Variants in ALK observed in about 807,000 individuals in gnomAD.
The protein encoded by ALK is ALK tyrosine kinase receptor.
ALK carries 74 observed loss-of-function variants against 163.1 expected under a neutral mutation model. That is an observed-to-expected ratio of 0.45 (90% CI 0.38 to 0.55). ALK has a LOEUF of 0.55. Ranked by LOEUF, ALK falls within the 20% of genes least tolerant of loss-of-function variation. The pLI, the probability that ALK is intolerant of heterozygous loss-of-function variation, is 0.00. For synonymous variants in ALK, 960 were observed against 843.2 expected, an observed-to-expected ratio of 1.14 and a Z score of -2.40; for missense variants, 2,063 against 2,105.3, an observed-to-expected ratio of 0.98 and a Z score of 0.39.
At chr2:29,347,502 G>A (rs990481381) in intron 5 of ALK, among the ~76,000 whole-genome samples, 6 of 152,200 alleles carry the variant, frequency 3.9e-5, no homozygotes, top group Admixed American at 1.3e-4. Flanking sequence ...GCAGTCTGCC[G>A]TTGAGACCTT....
At chr2:29,495,091 T>C (rs1671993477) in intron 4 of ALK, among the ~76,000 whole-genome samples, 1 of 152,192 alleles carries the variant, frequency 6.6e-6, no homozygotes, top group African/African-American at 2.4e-5. Context: ...ATTTGGCATC[T>C]GGAAGAGAAC....
At chr2:29,827,975 A>G (rs924237738) in intron 1 of ALK, among the ~76,000 whole-genome samples, 17 of 152,246 alleles carry the variant, frequency 1.1e-4, no homozygotes, top group African/African-American at 3.6e-4. Context: ...AGAGATATAG[A>G]TCAATGGAAC....
At chr2:29,763,943 C>T (rs537682083) in intron 1 of ALK, among the ~76,000 whole-genome samples, 6 of 152,278 alleles carry the variant, frequency 3.9e-5, no homozygotes, top group South Asian at 4.1e-4. Flanking sequence ...CTTTGAAACT[C>T]CCTCTCGTAA....
At chr2:29,336,826 C>T (rs1667628757) in intron 5 of ALK, among the ~76,000 whole-genome samples, 1 of 152,176 alleles carries the variant, frequency 6.6e-6, no homozygotes, top group Non-Finnish European at 1.5e-5. Flanking sequence ...AGCTTTCTGG[C>T]CATCTCCTAC....
chr2:29,889,672 C>A (rs554005297), intron 1 of ALK, among the ~76,000 whole-genome samples: 80 of 136,796 alleles, frequency 5.8e-4, no homozygotes, highest in African/African-American at 2.1e-3. Context: ...ATCTATCTAT[C>A]TGTATCTATA....
rs1553315937 is a variant in ALK at position 29,440,318 on chromosome 2, A to ATTT, written c.1155-56462_1155-56460dup. Among the ~76,000 whole-genome samples the ATTT allele has an allele frequency of 3.4e-4, 28 of 83,140 alleles. 11 individuals are homozygous for ATTT. The highest frequency in any genetic ancestry group is 1.1e-3 in the East Asian group (4 of 3,566). The allele number at this position is 83,140 out of a possible 152,430, so 54.5% of individuals were successfully genotyped here. ...GTTACGTAGGTTACGTGATGAATCA[A>ATTT]TTTTTTTTTTTTTTTTTTGAGACGG... On this transcript the variant is annotated intron_variant, in intron 4 of 28. Coordinates refer to ENST00000389048, the MANE Select transcript of ALK (RefSeq NM_004304.5).
chr2:29,196,888 T>C, intron 27 of ALK, 28 bp from the exon 28 acceptor site: 1 of 1,538,312 alleles, frequency 6.5e-7, no homozygotes, highest in East Asian at 2.2e-5. Flanking sequence ...TTAATTAAAA[T>C]AAGGAGAAGC....
In ALK at chr2:29,222,588, A is replaced by G. The variant is rs767184645; in HGVS notation, c.3379T>C (p.Phe1127Leu). The G allele has an allele frequency of 6.2e-7, 1 of 1,613,920 alleles. No individual in the cohort carries two copies. The highest frequency in any genetic ancestry group is 1.3e-5 in the African/African-American group (1 of 74,884). The stretch of plus-strand genomic sequence containing the variant: ...ACCTGGCCTTCATACACCTCCCCAA[A>G]GGCGCCATGGCCCAGACCCCTGTGC... ...TLIRGLGHGA[F>L]GEVYEGQVSG... is the part of the protein sequence containing the mutation. The change falls in exon 21 of 29, where the codon TTT (phenylalanine) becomes CTT (leucine). Residue 1127 changes from phenylalanine (F) to leucine (L), a missense_variant. Phe to Leu is a conservative substitution (Grantham distance 22). Around this residue, in one of 5 missense-constraint regions of ALK, gnomAD observed 575 missense variants for 626.6 expected, o/e 0.92. Coordinates refer to ENST00000389048, the MANE Select transcript of ALK (RefSeq NM_004304.5).
At chr2:29,211,549 T>A (rs1021162584) in intron 24 of ALK, among the ~76,000 whole-genome samples, 17 of 152,274 alleles carry the variant, frequency 1.1e-4, no homozygotes, top group South Asian at 4.1e-4. Context: ...CCAATTTTTT[T>A]AAAAAAATGG....
intron 5 of ALK, among the ~76,000 whole-genome samples, chr2:29,348,992 G>A (rs1018817630): frequency 6.6e-6 from 1 of 152,194 alleles, no homozygotes; most frequent in Non-Finnish European, 1.5e-5. Flanking sequence ...TCAGTTTCTC[G>A]AATGTACAAC....
intron 3 of ALK, among the ~76,000 whole-genome samples, chr2:29,652,255 T>C (rs73921139): frequency 0.015 from 2,293 of 152,272 alleles, 30 homozygotes; most frequent in South Asian, 0.046. Context: ...CCAGGCATTA[T>C]AGTCTTCAGA....
intron 1 of ALK, among the ~76,000 whole-genome samples, chr2:29,911,745 A>T (rs1294071873): frequency 6.6e-6 from 1 of 152,190 alleles, no homozygotes; most frequent in East Asian, 1.9e-4. Flanking sequence ...TGCAGGATAC[A>T]ATCTCAAATT....
intron 12 of ALK, 44 bp downstream of exon 12, chr2:29,251,061 G>C (rs369212318): frequency 6.2e-7 from 1 of 1,600,908 alleles, no homozygotes; most frequent in African/African-American, 1.3e-5. Flanking sequence ...AGGCTTCTTC[G>C]GAAGGGGTGG....
At chr2:29,707,110 T>C (rs910322383) in intron 2 of ALK, among the ~76,000 whole-genome samples, 2 of 151,700 alleles carry the variant, frequency 1.3e-5, no homozygotes, top group Admixed American at 6.6e-5. Flanking sequence ...CACTGCTCAA[T>C]ATGACATCTG....
chr2:29,232,158 C>A, intron 15 of ALK, 146 bp downstream of exon 15: 1 of 1,187,032 alleles, frequency 8.4e-7, no homozygotes, highest in South Asian at 1.2e-5. Context: ...TGCCTGCCCT[C>A]CCTCCCTGGA....
chr2:29,229,974 G>A (rs919168769), intron 15 of ALK, among the ~76,000 whole-genome samples: 2 of 152,332 alleles, frequency 1.3e-5, no homozygotes, highest in African/African-American at 4.8e-5. Flanking sequence ...GAGGTTGAAT[G>A]TAGCCACAGG....
chr2:29,499,950 T>C (rs529693072), intron 4 of ALK, among the ~76,000 whole-genome samples: 2 of 152,290 alleles, frequency 1.3e-5, no homozygotes, highest in South Asian at 4.2e-4. Context: ...TGTCCCCATC[T>C]CATCACCCAG....
intron 15 of ALK, among the ~76,000 whole-genome samples, chr2:29,231,076 G>A (rs906349095): frequency 2.0e-5 from 3 of 152,164 alleles, no homozygotes; most frequent in Admixed American, 2.0e-4. Flanking sequence ...GGTGGCTCAC[G>A]CCTGTAATCC....
chr2:29,498,242 G>C (rs1672081358), intron 4 of ALK, among the ~76,000 whole-genome samples: 2 of 151,646 alleles, frequency 1.3e-5, no homozygotes, highest in African/African-American at 4.8e-5. Flanking sequence ...TGAAAGGGAG[G>C]CACAGTGACT....
Sources: allele counts gnomAD v4.1 joint callset (sites outside exome capture counted in the v4.1 genomes callset), GRCh38; gene constraint gnomAD v4.1.1; regional missense constraint gnomAD v4.1.1; transcripts MANE v1.5; gene names NCBI Gene and HGNC (gene_info 2026-07-23, HGNC 2026-07-21).